Variants in CA10 observed in about 807,000 individuals in gnomAD.
CA10 encodes carbonic anhydrase-related protein 10.
CA10 carries 14 observed loss-of-function variants against 44.2 expected under a neutral mutation model. That is an observed-to-expected ratio of 0.32 (90% CI 0.21 to 0.50). The LOEUF (loss-of-function observed/expected upper bound fraction) is 0.50. Among genes scored for constraint, CA10 ranks in the 20% least tolerant of loss-of-function variants. The pLI is 0.99. For missense variants in CA10, 350 were observed against 409.7 expected (o/e 0.85, Z 1.26); for synonymous variants, 159 against 141.6 (o/e 1.12, Z -0.87).
chr17:51,747,428 T>A (rs1904727083), intron 4 of CA10, among the ~76,000 whole-genome samples: 1 of 152,190 alleles, frequency 6.6e-6, no homozygotes, highest in African/African-American at 2.4e-5. Flanking sequence ...GCTAGTTTCA[T>A]TGTAGCCTTC....
chr17:51,970,412 G>C (rs1002580204), intron 2 of CA10, among the ~76,000 whole-genome samples: 7 of 151,882 alleles, frequency 4.6e-5, no homozygotes, highest in Non-Finnish European at 1.0e-4. Context: ...TTACACATGA[G>C]GAATAAAAAG....
chr17:51,852,681 T>C (rs1978848309), intron 3 of CA10, among the ~76,000 whole-genome samples: 1 of 152,184 alleles, frequency 6.6e-6, no homozygotes. Flanking sequence ...TCTTAAGAGC[T>C]GTATTGTTTG....
At chr17:52,029,393 C>T (rs1986396952) in intron 2 of CA10, among the ~76,000 whole-genome samples, 1 of 152,146 alleles carries the variant, frequency 6.6e-6, no homozygotes, top group Admixed American at 6.5e-5. Context: ...GATTCTAGAG[C>T]AAACACACTG....
chr17:52,151,757 C>A (rs562496267), intron 1 of CA10, among the ~76,000 whole-genome samples: 3 of 152,254 alleles, frequency 2.0e-5, no homozygotes, highest in South Asian at 4.1e-4. Flanking sequence ...TAATACATGT[C>A]AGGCAGTATG....
intron 2 of CA10, among the ~76,000 whole-genome samples, chr17:51,982,550 T>C (rs1016959118): frequency 9.2e-5 from 14 of 152,004 alleles, no homozygotes; most frequent in African/African-American, 3.4e-4. Context: ...GTTCAAACTT[T>C]GGTTGAACTA....
At chr17:51,705,899 T>C (rs1253896086) in intron 4 of CA10, among the ~76,000 whole-genome samples, 1 of 152,112 alleles carries the variant, frequency 6.6e-6, no homozygotes, top group Non-Finnish European at 1.5e-5. Context: ...GTAGGGGTAG[T>C]TTTTTTCAGT....
intron 4 of CA10, among the ~76,000 whole-genome samples, chr17:51,678,281 C>T (rs942232096): frequency 2.0e-5 from 3 of 152,106 alleles, no homozygotes; most frequent in Non-Finnish European, 4.4e-5. Context: ...TGTTTTGGAA[C>T]TAGATAAATG....
intron 4 of CA10, among the ~76,000 whole-genome samples, chr17:51,733,032 C>A (rs11079980): frequency 6.6e-6 from 1 of 151,716 alleles, no homozygotes; most frequent in African/African-American, 2.4e-5. Flanking sequence ...TAGTAAATCC[C>A]CCTTTTAGTT....
rs541688053 is a variant in CA10, at chr17:51,695,534, C to T, written c.466-41798G>A. Among the ~76,000 whole-genome samples the T allele has an allele frequency of 3.1e-3, 478 of 152,262 alleles. 4 individuals carry two copies. The highest frequency in any genetic ancestry group is 0.011 in the African/African-American group (452 of 41,566). On this transcript the variant is annotated intron_variant, in intron 4 of 8. Transcript: ENST00000451037. ...ACATTGATTTTGTATCCTGAAACCT[C>T]ACTGAAGTCATTTATCAGTGCCAGG...
chr17:52,114,584 G>T (rs1313006538), intron 1 of CA10, among the ~76,000 whole-genome samples: 1 of 152,202 alleles, frequency 6.6e-6, no homozygotes, highest in Non-Finnish European at 1.5e-5. Context: ...TGCTAAGTAA[G>T]AGGGCAGAAT....
chr17:52,039,203 A>G (rs1411105143), intron 2 of CA10, among the ~76,000 whole-genome samples: 1 of 152,150 alleles, frequency 6.6e-6, no homozygotes, highest in Non-Finnish European at 1.5e-5. Context: ...GTATTAGACA[A>G]ATTTCTCTCT....
At chr17:52,135,031 A>T (rs1345863376) in intron 1 of CA10, 1 of 512,276 alleles carries the variant, frequency 2.0e-6, no homozygotes, top group East Asian at 5.6e-5. Context: ...GAGCCTCCTG[A>T]CTGCCCTCCT....
Position 52,149,102 on chromosome 17 carries a change from C to T in CA10, c.61+8624G>A, listed in dbSNP as rs146035877. On this transcript the variant is annotated intron_variant, in intron 1 of 8. Coordinates refer to ENST00000451037, the MANE Select transcript of CA10 (RefSeq NM_020178.5). Reference sequence around the variant, plus strand: ...GTGTGTGTAGTGAGAGAGAGGGGAGCGGAAAGAGAATATGTTGACTCACAT... The same window carrying T: ...GTGTGTGTAGTGAGAGAGAGGGGAGTGGAAAGAGAATATGTTGACTCACAT... Among the ~76,000 whole-genome samples the T allele has an allele frequency of 6.8e-3, 1,041 of 152,234 alleles. 7 individuals carry two copies. Among genetic ancestry groups the T allele is most frequent in the Non-Finnish European group, 0.011 (723 of 68,012 alleles).
At chr17:51,760,913 G>C (rs761651326) in intron 3 of CA10, among the ~76,000 whole-genome samples, 2 of 152,084 alleles carry the variant, frequency 1.3e-5, no homozygotes, top group Non-Finnish European at 2.9e-5. Context: ...TATGAATGAG[G>C]TGTTTTATAT....
In CA10 at chr17:51,699,166, C is replaced by CA. The variant is rs370427989; in HGVS notation, c.466-45431dup. ...TGAAACCCCGTCTCTACTAAAAATA[C>CA]AAAAAAATTACCCAGGTATGGTGGC... On this transcript the variant is annotated intron_variant, in intron 4 of 8. Transcript: ENST00000451037. 5.0e-3 allele frequency among the ~76,000 whole-genome samples: 752 copies of CA among 151,814 alleles called. 10 individuals carry two copies. Among genetic ancestry groups the CA allele is most frequent in the African/African-American group, 0.017 (713 of 41,408 alleles).
At chr17:52,054,818 C>T (rs539622009) in intron 2 of CA10, among the ~76,000 whole-genome samples, 4 of 151,892 alleles carry the variant, frequency 2.6e-5, no homozygotes, top group Admixed American at 2.6e-4. Context: ...CATTAAAGAC[C>T]CATGTGTTGC....
chr17:52,013,304 A>C (rs959380517), intron 2 of CA10, among the ~76,000 whole-genome samples: 4 of 152,006 alleles, frequency 2.6e-5, no homozygotes, highest in African/African-American at 9.7e-5. Context: ...CTTGAAAAAG[A>C]CAACATATTT....
At chr17:51,800,084 G>T (rs114931087) in intron 3 of CA10, among the ~76,000 whole-genome samples, 1,637 of 152,240 alleles carry the variant, frequency 0.011, 24 homozygotes, top group African/African-American at 0.038. Flanking sequence ...AATAGCCAAA[G>T]GGTGAAAACA....
At chr17:52,010,699 A>G (rs558821656) in intron 2 of CA10, among the ~76,000 whole-genome samples, 7 of 152,032 alleles carry the variant, frequency 4.6e-5, no homozygotes, top group Middle Eastern at 3.4e-3. Flanking sequence ...GTACACCAAA[A>G]TCCCAGAAAT....
Sources: gnomAD v4.1 joint callset for allele counts (sites outside exome capture counted in the v4.1 genomes callset) on GRCh38, gnomAD v4.1.1 for gene constraint, MANE v1.5 for transcripts, NCBI Gene and HGNC (gene_info 2026-07-23, HGNC 2026-07-21) for gene names.